The following TENM3 variants were observed in gnomAD, a reference collection of about 807,000 sequenced individuals.
The protein encoded by TENM3 is teneurin transmembrane protein 3, also known as teneurin-3.
A neutral mutation model predicts 255.1 loss-of-function variants in TENM3; 63 were observed. The observed-to-expected ratio is 0.25, with a 90% CI of 0.20 to 0.30. The LOEUF is 0.30. TENM3 is among the 10% of genes least tolerant of loss of function. TENM3 has a pLI of 1.00. For synonymous variants in TENM3, 1,306 were observed against 1,322.3 expected, an observed-to-expected ratio of 0.99 and a Z score of 0.27; for missense variants, 2,929 against 3,461.1, an observed-to-expected ratio of 0.85 and a Z score of 3.86.
At chr4:182,675,836 C>T (rs1010674054) in intron 7 of TENM3, among the ~76,000 whole-genome samples, 2 of 152,152 alleles carry the variant, frequency 1.3e-5, no homozygotes, top group South Asian at 2.1e-4. Context: ...TTGTATATAA[C>T]ATTTAAGATT....
the TENM3 span, among the ~76,000 whole-genome samples, chr4:182,028,504 C>G: frequency 1.3e-5 from 2 of 152,042 alleles, no homozygotes; most frequent in Non-Finnish European, 2.9e-5. Flanking sequence ...TTGGCTTACT[C>G]TTGCTTTTCT....
At chr4:181,518,373 T>C in the TENM3 span, among the ~76,000 whole-genome samples, 1 of 152,162 alleles carries the variant, frequency 6.6e-6, no homozygotes, top group Non-Finnish European at 1.5e-5. Context: ...CTTTGCTTAA[T>C]GGCACTTCTT....
At chr4:181,554,939 T>C in the TENM3 span, among the ~76,000 whole-genome samples, 1 of 152,200 alleles carries the variant, frequency 6.6e-6, no homozygotes, top group Admixed American at 6.5e-5. Context: ...TTTAATACTT[T>C]GAATGCGTCT....
chr4:182,504,364 TAAAG>T (rs370296125), intron 3 of TENM3, among the ~76,000 whole-genome samples: 367 of 152,320 alleles, frequency 2.4e-3, no homozygotes, highest in African/African-American at 8.3e-3. Flanking sequence ...ATTTATTAAA[TAAAG>T]AAAGACTCTT....
chr4:182,575,310 AAAAGAAAAACGG>A (rs1234073756), intron 3 of TENM3, among the ~76,000 whole-genome samples: 1 of 152,234 alleles, frequency 6.6e-6, no homozygotes, highest in African/African-American at 2.4e-5. Flanking sequence ...TTTCATTGAG[AAAAGAAAAACGG>A]GTTGGTAAAC....
At chr4:182,249,289 A>C (rs1757842643) in intron 1 of TENM3, among the ~76,000 whole-genome samples, 1 of 152,186 alleles carries the variant, frequency 6.6e-6, no homozygotes, top group Admixed American at 6.5e-5. Flanking sequence ...GCAGCTGCCT[A>C]CCTCCAAGCA....
chr4:182,330,243 T>A (rs541611892), intron 2 of TENM3, among the ~76,000 whole-genome samples: 2 of 152,300 alleles, frequency 1.3e-5, no homozygotes, highest in Non-Finnish European at 2.9e-5. Flanking sequence ...CAAGAACCTT[T>A]ATAAGGAAAT....
At chr4:181,961,627 G>T in the TENM3 span, among the ~76,000 whole-genome samples, 3 of 152,092 alleles carry the variant, frequency 2.0e-5, no homozygotes, top group Admixed American at 6.6e-5. Flanking sequence ...CACCGTGTTA[G>T]CCAAGATGGT....
upstream of TENM3, among the ~76,000 whole-genome samples, chr4:182,242,021 T>C (rs1394136903): frequency 7.9e-6 from 1 of 126,894 alleles, no homozygotes; most frequent in Non-Finnish European, 1.7e-5. Flanking sequence ...TTTTCCTCTC[T>C]CTTTTTTTTT....
the TENM3 span, among the ~76,000 whole-genome samples, chr4:181,482,466 G>A: frequency 1.6e-4 from 25 of 151,978 alleles, no homozygotes; most frequent in Admixed American, 5.3e-4. Flanking sequence ...AATGAGTAGC[G>A]ATGGTTCAGA....
chr4:182,341,138 C>G (rs1327365071), intron 2 of TENM3, among the ~76,000 whole-genome samples: 1 of 151,946 alleles, frequency 6.6e-6, no homozygotes, highest in Admixed American at 6.6e-5. Flanking sequence ...CTAGAAGAGG[C>G]AATAAATTAA....
intron 1 of TENM3, among the ~76,000 whole-genome samples, chr4:182,284,853 T>G (rs1760631121): frequency 6.6e-6 from 1 of 152,214 alleles, no homozygotes; most frequent in African/African-American, 2.4e-5. Flanking sequence ...AGTCCAAATG[T>G]CTGATTCTAT....
intron 2 of TENM3, among the ~76,000 whole-genome samples, chr4:182,342,074 C>A (rs1046801773): frequency 1.3e-5 from 2 of 152,212 alleles, no homozygotes; most frequent in African/African-American, 4.8e-5. Context: ...GGAAAACAGT[C>A]CGGCAGTGCC....
the TENM3 span, among the ~76,000 whole-genome samples, chr4:181,988,156 G>A: frequency 2.0e-5 from 3 of 151,816 alleles, no homozygotes; most frequent in African/African-American, 2.4e-5. Context: ...TTCATCTACC[G>A]CCTTCCTTCA....
chr4:182,461,447 TG>T (rs1731972740), intron 3 of TENM3, among the ~76,000 whole-genome samples: 1 of 152,170 alleles, frequency 6.6e-6, no homozygotes, highest in Non-Finnish European at 1.5e-5. Context: ...GTTAGAAAAG[TG>T]GGTTGGAACC....
At chr4:181,785,933 T>C in the TENM3 span, among the ~76,000 whole-genome samples, 1 of 152,112 alleles carries the variant, frequency 6.6e-6, no homozygotes, top group Admixed American at 6.6e-5. Context: ...AAGCGTGACT[T>C]AAATATCACC....
the TENM3 span, among the ~76,000 whole-genome samples, chr4:181,557,500 C>T: frequency 2.0e-5 from 3 of 152,074 alleles, no homozygotes; most frequent in East Asian, 1.9e-4. Context: ...ATGTGTTGGG[C>T]AAAGTACACA....
the TENM3 span, among the ~76,000 whole-genome samples, chr4:181,578,113 C>T: frequency 6.6e-6 from 1 of 152,222 alleles, no homozygotes; most frequent in Non-Finnish European, 1.5e-5. Flanking sequence ...GCCCATGAAC[C>T]AGAGGTTTCT....
chr4:182,109,209 A>G, the TENM3 span, among the ~76,000 whole-genome samples: 1 of 145,980 alleles, frequency 6.9e-6, no homozygotes, highest in East Asian at 2.0e-4. Flanking sequence ...TAATTTATAT[A>G]TTTATATATA....
Sources: gnomAD v4.1 joint callset for allele counts (sites outside exome capture counted in the v4.1 genomes callset) on GRCh38, gnomAD v4.1.1 for gene constraint, MANE v1.5 for transcripts, NCBI Gene and HGNC (gene_info 2026-07-23, HGNC 2026-07-21) for gene names.